Variants in DCUN1D2 observed in about 807,000 individuals in gnomAD.
The protein encoded by DCUN1D2 is DCN1-like protein 2.
DCUN1D2 carries 29 observed loss-of-function variants against 30.9 expected under a neutral mutation model. The ratio of observed to expected loss-of-function variants is 0.94; its 90% CI spans 0.70 to 1.28. The LOEUF is 1.28. Ranked by LOEUF, DCUN1D2 falls within the 50% of genes most tolerant of loss-of-function variation. DCUN1D2 has a pLI of 0.00. For missense variants in DCUN1D2, 325 were observed against 316.9 expected (o/e 1.03, Z -0.19); for synonymous variants, 121 against 115.3 (o/e 1.05, Z -0.32).
chr13:113,482,393 T>G (rs1414063308), intron 2 of DCUN1D2, among the ~76,000 whole-genome samples: 1 of 152,198 alleles, frequency 6.6e-6, no homozygotes, highest in Admixed American at 6.5e-5. Context: ...AAAATCTGCA[T>G]AAAAATCAGC....
intron 3 of DCUN1D2, among the ~76,000 whole-genome samples, chr13:113,478,340 T>C (rs2044652557): frequency 6.6e-6 from 1 of 152,190 alleles, no homozygotes; most frequent in Admixed American, 6.5e-5. Flanking sequence ...ATGACTTTTT[T>C]TTTTTTAATG....
At chr13:113,481,917 T>A (rs1244974816) in intron 2 of DCUN1D2, among the ~76,000 whole-genome samples, 1 of 149,548 alleles carries the variant, frequency 6.7e-6, no homozygotes, top group Non-Finnish European at 1.5e-5. Context: ...GCCATAAACA[T>A]CCTTCTAACT....
At chr13:113,476,794 G>C (rs1215465888) in intron 3 of DCUN1D2, among the ~76,000 whole-genome samples, 1 of 152,140 alleles carries the variant, frequency 6.6e-6, no homozygotes, top group Admixed American at 6.5e-5. Flanking sequence ...TTCAAACTGA[G>C]ATCTACAATC....
chr13:113,489,142 A>T, intron 1 of DCUN1D2: 10 of 985,402 alleles, frequency 1.0e-5, no homozygotes, highest in Non-Finnish European at 1.2e-5. Context: ...AAGTTTATGG[A>T]TCACTTTCAC....
Position 113,480,741 on chromosome 13 carries a change from G to T in DCUN1D2, c.223C>A (p.Pro75Thr), listed in dbSNP as rs1163951421. The change falls in exon 3 of 7, where the codon CCA becomes ACA. Residue 75 changes from proline (P) to threonine (T), a missense_variant and splice_region_variant. Transcript: ENST00000478244. ...LERLYGRYKD[P>T]QDENKIGVDG... Reference sequence around the variant, plus strand: ...ACTCCAATTTTGTTTTCATCTTGTGGATCTGTAGTTAATATCAGGGGAAAA... The same window carrying T: ...ACTCCAATTTTGTTTTCATCTTGTGTATCTGTAGTTAATATCAGGGGAAAA... 2.4e-5 allele frequency: 38 copies of T among 1,613,662 alleles called. No homozygotes were observed. Among genetic ancestry groups the T allele is most frequent in the Non-Finnish European group, 3.1e-5 (36 of 1,179,880 alleles).
At position 113,483,958 on chromosome 13, in the gene DCUN1D2, C is replaced by T. The variant is rs1229313689; in HGVS notation, c.102G>A (p.Glu34=). 6.2e-7 allele frequency: 1 copy of T among 1,614,120 alleles called. No individual in the cohort carries two copies. Among genetic ancestry groups the T allele is most frequent in the East Asian group, 2.2e-5 (1 of 44,898 alleles). ...TGTCCGTGGCCTCGTCTAGTCTCCA[C>T]TCATTCTGCGTTAAGCAGTAGATAG... is the stretch of plus-strand genomic sequence containing the variant. ...RTAIYCLTQN[E]WRLDEATDSF... is the part of the protein sequence containing the mutation. Residue 34 remains glutamate (E), a synonymous_variant, in exon 2 of 7, where the codon GAG becomes GAA. Transcript: ENST00000478244.
Position 113,458,084 on chromosome 13 carries a change from TC to T in DCUN1D2, c.724del (p.Asp242IlefsTer3). On this transcript the variant is annotated frameshift_variant, in exon 7 of 7. Coordinates refer to ENST00000478244, the MANE Select transcript of DCUN1D2 (RefSeq NM_001014283.2). LOFTEE classifies it low-confidence loss of function (END_TRUNC). ...EEGAWPVLID[D>X]FVEYARPVVT... is the part of the protein sequence containing the mutation. ...TACTGGCCGTGCATATTCTACAAAA[TC>T]ATCTATAAGAACGGGCCAAGCTCCT... 1.2e-6 allele frequency: 2 copies of T among 1,614,140 alleles called. No homozygotes were observed. The highest frequency in any genetic ancestry group is 2.2e-5 in the South Asian group (2 of 91,084).
At chr13:113,459,720 T>C (rs1249743418) in intron 5 of DCUN1D2, among the ~76,000 whole-genome samples, 1 of 152,254 alleles carries the variant, frequency 6.6e-6, no homozygotes, top group Non-Finnish European at 1.5e-5. Context: ...TGTATATATA[T>C]ATTCACGAAC....
At position 113,456,631 on chromosome 13, in the gene DCUN1D2, C is replaced by T. The variant is rs1595561845; in HGVS notation, c.*1398G>A. On this transcript the variant is annotated 3_prime_UTR_variant, in exon 7 of 7. Transcript: ENST00000478244. ...AACAGTGATGTCCACAACTCAATAC[C>T]AGCCCTCCACACCTCGGCAGCACTC... The T allele has an allele frequency of 7.1e-5, 25 of 352,444 alleles. No individual in the cohort carries two copies. The East Asian group carries it at 1.1e-3, about 15-fold the overall frequency. The allele number at this position is 352,444 out of a possible 1,614,324, so 21.8% of individuals were successfully genotyped here.
At chr13:113,468,367 T>C (rs1158306312) in intron 4 of DCUN1D2, among the ~76,000 whole-genome samples, 1 of 151,478 alleles carries the variant, frequency 6.6e-6, no homozygotes, top group East Asian at 1.9e-4. Flanking sequence ...GGGCTGCCAG[T>C]GGCTGGGGGA....
At chr13:113,460,536 C>T (rs192257385) in intron 5 of DCUN1D2, among the ~76,000 whole-genome samples, 1 of 152,362 alleles carries the variant, frequency 6.6e-6, no homozygotes, top group Non-Finnish European at 1.5e-5. Flanking sequence ...AGTGTCTCTC[C>T]AGAGGGTCCA....
At chr13:113,468,061 A>AG (rs1289685240) in intron 4 of DCUN1D2, among the ~76,000 whole-genome samples, 4 of 151,612 alleles carry the variant, frequency 2.6e-5, no homozygotes, top group Admixed American at 6.6e-5. Context: ...AAAAAAAAAA[A>AG]AAAAGAATTA....
chr13:113,489,201 C>G (rs1382153587), intron 1 of DCUN1D2: 12 of 966,006 alleles, frequency 1.2e-5, no homozygotes, highest in Non-Finnish European at 1.5e-5. Flanking sequence ...TAAATTCATC[C>G]CTGCTCTTGG....
At chr13:113,487,496 G>A (rs901275173) in intron 1 of DCUN1D2, among the ~76,000 whole-genome samples, 4 of 152,156 alleles carry the variant, frequency 2.6e-5, no homozygotes, top group Non-Finnish European at 5.9e-5. Flanking sequence ...CACAGCGCAC[G>A]ACTCCAGCTG....
chr13:113,477,664 G>T (rs1273600227), intron 3 of DCUN1D2, among the ~76,000 whole-genome samples: 1 of 151,148 alleles, frequency 6.6e-6, no homozygotes. Flanking sequence ...CTTTTGGCCA[G>T]ATTAAGAACT....
chr13:113,460,331 G>A (rs1036685502), intron 5 of DCUN1D2, among the ~76,000 whole-genome samples: 1 of 152,224 alleles, frequency 6.6e-6, no homozygotes, highest in African/African-American at 2.4e-5. Context: ...GGTGAAGGGA[G>A]GCAGTGCGGG....
chr13:113,489,739 A>C (rs558318131), intron 1 of DCUN1D2, among the ~76,000 whole-genome samples: 1 of 151,916 alleles, frequency 6.6e-6, no homozygotes, highest in African/African-American at 2.4e-5. Flanking sequence ...GGAGCCGCAC[A>C]CGGCTGGCTG....
chr13:113,484,149 T>C (rs2044760974), intron 1 of DCUN1D2, 93 bp from the exon 2 acceptor site: 3 of 1,562,276 alleles, frequency 1.9e-6, no homozygotes, highest in South Asian at 2.4e-5. Flanking sequence ...TGGGCAGAAT[T>C]AGAGACAAAG....
At chr13:113,481,855 G>A (rs1443070414) in intron 2 of DCUN1D2, among the ~76,000 whole-genome samples, 3 of 138,348 alleles carry the variant, frequency 2.2e-5, no homozygotes, top group African/African-American at 8.9e-5. Context: ...TTGCACTCCA[G>A]CCTGGGTGAC....
Sources: allele counts gnomAD v4.1 joint callset (sites outside exome capture counted in the v4.1 genomes callset), GRCh38; gene constraint gnomAD v4.1.1; transcripts MANE v1.5; gene names NCBI Gene and HGNC (gene_info 2026-07-23, HGNC 2026-07-21).